Variants in FBXO39 observed in about 807,000 individuals in gnomAD.
FBXO39 encodes F-box only protein 39.
A neutral mutation model predicts 36.6 loss-of-function variants in FBXO39; 22 were observed. The ratio of observed to expected loss-of-function variants is 0.60; its 90% CI spans 0.43 to 0.86. The LOEUF (loss-of-function observed/expected upper bound fraction) is 0.86. Among genes scored for constraint, FBXO39 ranks in the 40% least tolerant of loss-of-function variants. The pLI is 0.00. For synonymous variants in FBXO39, 206 were observed against 205.8 expected (o/e 1.00, Z -0.01); for missense variants, 536 against 543.9 (o/e 0.99, Z 0.14).
chr17:6,782,813 A>G (rs895898084), intron 2 of FBXO39, among the ~76,000 whole-genome samples: 4 of 152,228 alleles, frequency 2.6e-5, no homozygotes, highest in African/African-American at 9.6e-5. Flanking sequence ...AGACCCCTAT[A>G]TAATAACAGC....
chr17:6,786,137 A>C (rs568363697), intron 2 of FBXO39, among the ~76,000 whole-genome samples: 45 of 152,366 alleles, frequency 3.0e-4, no homozygotes, highest in African/African-American at 1.0e-3. Context: ...AATGTGGTAC[A>C]TGTACACAAT....
In FBXO39 at chr17:6,780,109, T is replaced by C. The variant is rs763720404; in HGVS notation, c.241T>C (p.Tyr81His). The C allele has an allele frequency of 6.2e-7, 1 of 1,614,128 alleles. No individual in the cohort carries two copies. The highest frequency in any genetic ancestry group is 2.2e-5 in the East Asian group (1 of 44,880). The change falls in exon 2 of 4, where the codon TAT becomes CAT. Residue 81 changes from tyrosine (Y) to histidine (H), a missense_variant. Physicochemically the swap from Tyr to His is moderately conservative, Grantham distance 83. Coordinates refer to ENST00000321535, the MANE Select transcript of FBXO39 (RefSeq NM_153230.3). The part of the protein sequence containing the change: ...HASEVESAVW[Y>H]VKKFGRYLEH... The stretch of plus-strand genomic sequence containing the variant: ...ATCTGAAGTTGAGTCAGCTGTTTGG[T>C]ATGTTAAGAAGTTTGGTCGTTATCT...
At chr17:6,787,003 A>G in intron 3 of FBXO39, 47 bp downstream of exon 3, 1 of 1,564,956 alleles carries the variant, frequency 6.4e-7, no homozygotes, top group South Asian at 1.2e-5. Flanking sequence ...GGGGGCATCC[A>G]GGAATGGTGC....
At chr17:6,783,136 A>T (rs1976528860) in intron 2 of FBXO39, among the ~76,000 whole-genome samples, 1 of 152,184 alleles carries the variant, frequency 6.6e-6, no homozygotes, top group Admixed American at 6.6e-5. Flanking sequence ...TTATATGAAG[A>T]CATGGAAATT....
At chr17:6,781,028 C>A in intron 2 of FBXO39, 137 bp downstream of exon 2, 1 of 915,276 alleles carries the variant, frequency 1.1e-6, no homozygotes, top group Non-Finnish European at 1.6e-6. Context: ...ATACCACCAA[C>A]TAAGCCTCCT....
chr17:6,782,566 TAAAG>T (rs553277774), intron 2 of FBXO39, among the ~76,000 whole-genome samples: 21 of 151,760 alleles, frequency 1.4e-4, no homozygotes, highest in African/African-American at 4.6e-4. Context: ...AGACTGAAAA[TAAAG>T]AGATGGGAAA....
At chr17:6,782,484 G>A (rs1976521138) in intron 2 of FBXO39, among the ~76,000 whole-genome samples, 1 of 152,048 alleles carries the variant, frequency 6.6e-6, no homozygotes, top group Admixed American at 6.6e-5. Context: ...ATAGGTGGCT[G>A]AACAGATTAA....
intron 2 of FBXO39, among the ~76,000 whole-genome samples, chr17:6,782,922 G>T (rs1251972981): frequency 1.3e-5 from 2 of 151,992 alleles, no homozygotes; most frequent in African/African-American, 2.4e-5. Flanking sequence ...GACCAAAAGG[G>T]CCTAAAGGAT....
At chr17:6,787,159 C>G in intron 3 of FBXO39, 141 bp from the exon 4 acceptor site, 1 of 1,389,398 alleles carries the variant, frequency 7.2e-7, no homozygotes, top group East Asian at 2.5e-5. Context: ...ACATATTTTC[C>G]TGATTCAACA....
At chr17:6,780,972 C>T in intron 2 of FBXO39, 81 bp downstream of exon 2, 2 of 1,407,884 alleles carry the variant, frequency 1.4e-6, no homozygotes, top group South Asian at 1.3e-5. Context: ...CTGCTCTTGG[C>T]TAGGCTCCCA....
chr17:6,777,377 G>A (rs1374363123), intron 1 of FBXO39, among the ~76,000 whole-genome samples: 1 of 152,014 alleles, frequency 6.6e-6, no homozygotes, highest in East Asian at 1.9e-4. Context: ...TCCTGTTCCT[G>A]CGTTAGTTTG....
chr17:6,780,042 C>T lies in FBXO39; in HGVS notation c.174C>T (p.Tyr58=). 1.9e-6 allele frequency: 3 copies of T among 1,614,220 alleles called. No individual in the cohort carries two copies. The highest frequency in any genetic ancestry group is 2.5e-6 in the Non-Finnish European group (3 of 1,180,036). Residue 58 remains tyrosine, a synonymous_variant, in exon 2 of 4, where the codon TAC becomes TAT. Coordinates refer to ENST00000321535, the MANE Select transcript of FBXO39 (RefSeq NM_153230.3). ...QMMYSAELWR[Y]RTITFSGRPS... is the part of the protein sequence containing the mutation. ...TGTATTCTGCTGAGCTCTGGCGGTA[C>T]AGAACCATCACCTTCAGCGGGAGAC...
intron 3 of FBXO39, 129 bp from the exon 4 acceptor site, chr17:6,787,171 C>A (rs376664486): frequency 1.9e-5 from 27 of 1,426,832 alleles, no homozygotes; most frequent in East Asian, 1.7e-4. Flanking sequence ...GATTCAACAA[C>A]TGTATGTGTA....
In FBXO39 at chr17:6,780,139, C is replaced by A; in HGVS notation, c.271C>A (p.His91Asn). ...YVKKFGRYLE[H>N]LEVKFMNPYN... Reference sequence around the variant, plus strand: ...TAAGAAGTTTGGTCGTTATCTGGAGCACCTGGAGGTCAAATTCATGAATCC... The same window carrying A: ...TAAGAAGTTTGGTCGTTATCTGGAGAACCTGGAGGTCAAATTCATGAATCC... Residue 91 changes from histidine (H) to asparagine (N), a missense_variant, in exon 2 of 4, where the codon CAC becomes AAC. Coordinates refer to ENST00000321535, the MANE Select transcript of FBXO39 (RefSeq NM_153230.3). 1 of 1,614,210 alleles carries A rather than the reference C, an allele frequency of 6.2e-7. No individual in the cohort carries two copies. Among genetic ancestry groups the A allele is most frequent in the Non-Finnish European group, 8.5e-7 (1 of 1,180,044 alleles).
At position 6,776,926 on chromosome 17, in the gene FBXO39, G is replaced by T. The variant is rs1008694705; in HGVS notation, c.-81+654G>T. Among the ~76,000 whole-genome samples, 11 of 151,958 alleles carry T rather than the reference G, an allele frequency of 7.2e-5. No individual in the cohort carries two copies. In the South Asian group the frequency reaches 2.3e-3, roughly 32 times the overall value. ...TACACTGCCTCTGATGGGGTCTCGG[G>T]GGGTAAGGGGAGGCTCCCAGTCATT... On this transcript the variant is annotated intron_variant, in intron 1 of 3. Transcript: ENST00000321535.
Position 6,786,801 on chromosome 17 carries a change from A to C in FBXO39, c.1045A>C (p.Asn349His). The change falls in exon 3 of 4, where the codon AAC (asparagine) becomes CAC (histidine). Residue 349 changes from asparagine to histidine, a missense_variant. Physicochemically the swap from Asn to His is moderately conservative, Grantham distance 68. Coordinates refer to ENST00000321535, the MANE Select transcript of FBXO39 (RefSeq NM_153230.3). Reference sequence around the variant, plus strand: ...CCAGAAATTAACTTGTGAATTCAACAACAACCATGAGTCACTCGACGAGGA... The same window carrying C: ...CCAGAAATTAACTTGTGAATTCAACCACAACCATGAGTCACTCGACGAGGA... ...TLQKLTCEFN[N>H]NHESLDEELH... The C allele has an allele frequency of 5.6e-6, 9 of 1,608,594 alleles. No homozygotes were observed. Among genetic ancestry groups the C allele is most frequent in the African/African-American group, 1.3e-5 (1 of 74,780 alleles).
chr17:6,787,522 CCT>C lies in FBXO39; in HGVS notation c.*102_*103del. The stretch of plus-strand genomic sequence containing the variant: ...CTTGGGCACTGCCGGCCCTTTTGCT[CCT>C]CTCTCTCCCCTCCACTTTTTTTTTT... On this transcript the variant is annotated 3_prime_UTR_variant, in exon 4 of 4. Coordinates refer to ENST00000321535, the MANE Select transcript of FBXO39 (RefSeq NM_153230.3). The C allele has an allele frequency of 6.8e-7, 1 of 1,461,352 alleles. No homozygotes were observed. Among genetic ancestry groups the C allele is most frequent in the Non-Finnish European group, 9.3e-7 (1 of 1,080,752 alleles). The allele number at this position is 1,461,352 out of a possible 1,614,324, so 90.5% of individuals were successfully genotyped here.
At position 6,780,807 on chromosome 17, in the gene FBXO39, G is replaced by A; in HGVS notation, c.939G>A (p.Leu313=). The change falls in exon 2 of 4, where the codon CTG becomes CTA. Residue 313 remains leucine (L), a synonymous_variant. Transcript: ENST00000321535. ...LQEIPIRSIS[L]RSCYFSDPDC... ...AGATCCCGATCAGGAGCATCAGTCT[G>A]AGAAGCTGCTATTTCAGTGACCCAG... 6.2e-7 allele frequency: 1 copy of A among 1,614,100 alleles called. No homozygotes were observed. Among genetic ancestry groups the A allele is most frequent in the Non-Finnish European group, 8.5e-7 (1 of 1,180,026 alleles).
At chr17:6,779,701 A>T (rs1361341478) in intron 1 of FBXO39, 88 bp from the exon 2 acceptor site, 26 of 672,018 alleles carry the variant, frequency 3.9e-5, no homozygotes, top group Non-Finnish European at 5.5e-5. Context: ...CACAGTGCCT[A>T]ATGCACTTGG....
Sources: allele counts gnomAD v4.1 joint callset (sites outside exome capture counted in the v4.1 genomes callset), GRCh38; gene constraint gnomAD v4.1.1; transcripts MANE v1.5; gene names NCBI Gene and HGNC (gene_info 2026-07-23, HGNC 2026-07-21).